The following RBFOX1 variants were observed in gnomAD, a reference collection of about 807,000 sequenced individuals.
RBFOX1 encodes RNA binding protein fox-1 homolog 1.
Under a neutral mutation model 57.7 loss-of-function variants are expected in RBFOX1, and 8 were observed. The observed-to-expected ratio is 0.14, with a 90% CI of 0.08 to 0.25. The LOEUF is 0.25. Ranked by LOEUF, RBFOX1 falls within the 10% of genes least tolerant of loss-of-function variation. The probability of loss-of-function intolerance (pLI) is 1.00; values close to 1 mark genes in which losing one functional copy is unlikely to be tolerated. For missense variants in RBFOX1, 611 were observed against 548.5 expected, an observed-to-expected ratio of 1.11 and a Z score of -1.14; for synonymous variants, 326 against 222.4, an observed-to-expected ratio of 1.47 and a Z score of -4.15.
At chr16:6,226,503 C>G (rs2152892830) in intron 1 of RBFOX1, among the ~76,000 whole-genome samples, 1 of 152,084 alleles carries the variant, frequency 6.6e-6, no homozygotes, top group East Asian at 1.9e-4. Flanking sequence ...TTGCCCATGA[C>G]CACTCATTGA....
rs540775040 is a variant in RBFOX1, at chr16:6,667,384, C to T, written c.-16+12734C>T. On this transcript the variant is annotated intron_variant, in intron 3 of 15. Transcript: ENST00000550418. ...AAGAATGCCAGGTGTAATCGTGTGG[C>T]TAAGAGCTTCAGCTTAGGATTCTAA... Among the ~76,000 whole-genome samples the T allele has an allele frequency of 6.6e-5, 10 of 152,230 alleles. No individual in the cohort carries two copies. The East Asian group carries it at 1.9e-3, about 29-fold the overall frequency.
intron 3 of RBFOX1, among the ~76,000 whole-genome samples, chr16:5,629,566 T>C (rs577261247): frequency 6.6e-6 from 1 of 152,334 alleles, no homozygotes; most frequent in Admixed American, 6.5e-5. Context: ...GAATAATACC[T>C]GAGAAGCTGC....
intron 14 of RBFOX1, among the ~76,000 whole-genome samples, chr16:7,679,184 C>T (rs1036899331): frequency 2.6e-5 from 4 of 152,164 alleles, no homozygotes; most frequent in African/African-American, 9.7e-5. Flanking sequence ...TTCCTTTTAT[C>T]TGTAATAAGC....
intron 3 of RBFOX1, among the ~76,000 whole-genome samples, chr16:6,952,975 A>G (rs946740247): frequency 2.0e-5 from 3 of 152,174 alleles, no homozygotes; most frequent in African/African-American, 7.2e-5. Context: ...TCTGTCTCAT[A>G]AAGAAAAAAA....
intron 1 of RBFOX1, among the ~76,000 whole-genome samples, chr16:5,442,699 C>T (rs1015642245): frequency 6.6e-5 from 10 of 152,162 alleles, no homozygotes; most frequent in Non-Finnish European, 2.9e-5. Context: ...TATGTGCCAT[C>T]ACCTGGCCAC....
chr16:7,698,029 G>A (rs892136457), intron 14 of RBFOX1, among the ~76,000 whole-genome samples: 1 of 152,146 alleles, frequency 6.6e-6, no homozygotes, highest in African/African-American at 2.4e-5. Context: ...TGCGTATTAG[G>A]GAAGAGAGGG....
At chr16:7,017,063 C>G (rs999037998) in intron 3 of RBFOX1, among the ~76,000 whole-genome samples, 1 of 151,906 alleles carries the variant, frequency 6.6e-6, no homozygotes, top group East Asian at 1.9e-4. Flanking sequence ...TTTTATTGTT[C>G]CATGTTGCTG....
intron 1 of RBFOX1, among the ~76,000 whole-genome samples, chr16:5,372,650 C>T (rs1011790779): frequency 6.6e-6 from 1 of 152,136 alleles, no homozygotes; most frequent in African/African-American, 2.4e-5. Flanking sequence ...TCATCCAATC[C>T]TGTCAATCAG....
chr16:7,398,361 G>A (rs143901379), intron 4 of RBFOX1, among the ~76,000 whole-genome samples: 1 of 152,200 alleles, frequency 6.6e-6, no homozygotes, highest in African/African-American at 2.4e-5. Flanking sequence ...AACTATCTCA[G>A]TGTTACAGAA....
At chr16:6,258,556 T>A (rs977843824) in intron 1 of RBFOX1, among the ~76,000 whole-genome samples, 1 of 152,224 alleles carries the variant, frequency 6.6e-6, no homozygotes, top group Admixed American at 6.5e-5. Context: ...TCCCTATTGC[T>A]TATCAGATCA....
rs1213318801 is a variant in RBFOX1 at position 6,557,287 on chromosome 16, A to G, written c.-63-97316A>G. 2.6e-5 allele frequency among the ~76,000 whole-genome samples: 4 copies of G among 151,738 alleles called. 1 individual carries two copies. In the East Asian group the frequency reaches 5.8e-4, roughly 22 times the overall value. On this transcript the variant is annotated intron_variant, in intron 2 of 15. Transcript: ENST00000550418. The stretch of plus-strand genomic sequence containing the variant: ...CATGACACCCATGAATTAAGATTTA[A>G]AAGAGGATATAAAGCAGAATCTTGC...
chr16:7,574,036 G>T (rs185210698), intron 5 of RBFOX1, among the ~76,000 whole-genome samples: 4 of 152,110 alleles, frequency 2.6e-5, no homozygotes, highest in African/African-American at 7.2e-5. Flanking sequence ...TACACACTAT[G>T]CTTTTGTCAT....
At chr16:7,623,518 G>A (rs2059622274) in intron 10 of RBFOX1, among the ~76,000 whole-genome samples, 1 of 152,062 alleles carries the variant, frequency 6.6e-6, no homozygotes, top group Non-Finnish European at 1.5e-5. Context: ...ACACTTTTAT[G>A]AAAATCCAAT....
At chr16:5,658,305 G>C (rs1181335127) in intron 3 of RBFOX1, among the ~76,000 whole-genome samples, 2 of 152,144 alleles carry the variant, frequency 1.3e-5, no homozygotes, top group Non-Finnish European at 2.9e-5. Context: ...TGAGCCAAGG[G>C]GAGCAAACTC....
At position 6,793,960 on chromosome 16, in the gene RBFOX1, GT is replaced by G. The variant is rs2083447319; in HGVS notation, c.-16+139311del. Among the ~76,000 whole-genome samples, 5 of 152,238 alleles carry G rather than the reference GT, an allele frequency of 3.3e-5. No individual in the cohort carries two copies. In the South Asian group the frequency reaches 1.0e-3, roughly 32 times the overall value. On this transcript the variant is annotated intron_variant, in intron 3 of 15. Coordinates refer to ENST00000550418, the MANE Select transcript of RBFOX1 (RefSeq NM_018723.4). Reference sequence around the variant, plus strand: ...ATACTGAGATGAAAACAAGAGGGTGGTAATACAGCAAGTGGTGTATGATTCA... The same window carrying G: ...ATACTGAGATGAAAACAAGAGGGTGGAATACAGCAAGTGGTGTATGATTCA...
chr16:7,039,734 T>C (rs2045586913), intron 3 of RBFOX1, among the ~76,000 whole-genome samples: 1 of 152,186 alleles, frequency 6.6e-6, no homozygotes, highest in Admixed American at 6.5e-5. Flanking sequence ...TGGGTATGAT[T>C]ACAACCATAC....
At chr16:7,469,572 A>C (rs2061179604) in intron 4 of RBFOX1, among the ~76,000 whole-genome samples, 1 of 152,154 alleles carries the variant, frequency 6.6e-6, no homozygotes, top group South Asian at 2.1e-4. Flanking sequence ...AAATAGTTTT[A>C]GATTTATTGA....
chr16:6,154,604 T>C (rs1371890870), intron 1 of RBFOX1, among the ~76,000 whole-genome samples: 1 of 152,208 alleles, frequency 6.6e-6, no homozygotes, highest in Non-Finnish European at 1.5e-5. Context: ...TATTGCTGTT[T>C]ATTTCCTTGG....
intron 2 of RBFOX1, among the ~76,000 whole-genome samples, chr16:6,632,452 T>C (rs539050149): frequency 6.6e-6 from 1 of 152,210 alleles, no homozygotes; most frequent in Non-Finnish European, 1.5e-5. Context: ...CCTGTGGTTA[T>C]GAGGATAGTG....
Sources: gnomAD v4.1 joint callset for allele counts (sites outside exome capture counted in the v4.1 genomes callset) on GRCh38, gnomAD v4.1.1 for gene constraint, MANE v1.5 for transcripts, NCBI Gene and HGNC (gene_info 2026-07-23, HGNC 2026-07-21) for gene names.